ADARB2: variants seen among roughly 807,000 people sequenced by gnomAD.
ADARB2 encodes the protein adenosine deaminase RNA specific B2 (inactive).
A neutral mutation model predicts 62.2 loss-of-function variants in ADARB2; 25 were observed. The observed-to-expected ratio is 0.40, with a 90% CI of 0.29 to 0.56. The LOEUF (loss-of-function observed/expected upper bound fraction) is 0.56, where lower values mean the gene tolerates loss of function less well. Among genes scored for constraint, ADARB2 ranks in the 20% least tolerant of loss-of-function variants. The pLI is 0.43. For missense variants in ADARB2, 1,071 were observed against 1,077.4 expected, an observed-to-expected ratio of 0.99 and a Z score of 0.08; for synonymous variants, 572 against 500.8, an observed-to-expected ratio of 1.14 and a Z score of -1.90.
At chr10:1,630,270 C>T (rs1296351505) in intron 1 of ADARB2, among the ~76,000 whole-genome samples, 6 of 152,232 alleles carry the variant, frequency 3.9e-5, no homozygotes, top group African/African-American at 7.2e-5. Context: ...CTTATGTTCT[C>T]GTGAGGATGG....
At chr10:1,541,621 C>CA (rs1832430285) in intron 1 of ADARB2, among the ~76,000 whole-genome samples, 1 of 38,732 alleles carries the variant, frequency 2.6e-5, no homozygotes, top group African/African-American at 1.5e-4. Context: ...GACCCTGGAT[C>CA]CGTCCAGACC....
intron 3 of ADARB2, among the ~76,000 whole-genome samples, chr10:1,311,182 T>G (rs1462283044): frequency 6.6e-6 from 1 of 152,196 alleles, no homozygotes; most frequent in African/African-American, 2.4e-5. Context: ...TCATTTCTCC[T>G]TCCATGGGGA....
At chr10:1,467,812 G>T (rs1167246246) in intron 1 of ADARB2, among the ~76,000 whole-genome samples, 2 of 152,142 alleles carry the variant, frequency 1.3e-5, no homozygotes, top group African/African-American at 2.4e-5. Context: ...CTTTTGAGTC[G>T]AACACATTAA....
intron 1 of ADARB2, among the ~76,000 whole-genome samples, chr10:1,689,011 G>A (rs1207177557): frequency 6.6e-6 from 1 of 152,200 alleles, no homozygotes; most frequent in Non-Finnish European, 1.5e-5. Context: ...ATCTGAGGCT[G>A]GTGATGCAGG....
At chr10:1,504,149 G>A (rs1041250201) in intron 1 of ADARB2, among the ~76,000 whole-genome samples, 1 of 152,106 alleles carries the variant, frequency 6.6e-6, no homozygotes, top group Non-Finnish European at 1.5e-5. Context: ...GCTTAAACTG[G>A]CTCCTTCACT....
chr10:1,371,090 C>T (rs563065250), intron 2 of ADARB2, among the ~76,000 whole-genome samples: 3 of 152,204 alleles, frequency 2.0e-5, no homozygotes, highest in East Asian at 1.9e-4. Context: ...GGTATTGGTA[C>T]GAAGATAGAC....
At chr10:1,263,293 TAAAG>T (rs755847480) in intron 4 of ADARB2, among the ~76,000 whole-genome samples, 3 of 152,140 alleles carry the variant, frequency 2.0e-5, no homozygotes, top group East Asian at 1.9e-4. Flanking sequence ...ATAGTAATAA[TAAAG>T]AATATTTTAG....
chr10:1,462,138 C>T lies in ADARB2; in HGVS notation c.101-82978G>A, dbSNP rs147624170. ...CTCTTGGCAGGATATAGCCATTCCCCGCTCAGCCCTGCCCACTTCCCACCA... is the reference window on the plus strand; with the variant it reads ...CTCTTGGCAGGATATAGCCATTCCCTGCTCAGCCCTGCCCACTTCCCACCA... On this transcript the variant is annotated intron_variant, in intron 1 of 9. Coordinates refer to ENST00000381312, the MANE Select transcript of ADARB2 (RefSeq NM_018702.4). Among the ~76,000 whole-genome samples, 610 of 152,334 alleles carry T rather than the reference C, an allele frequency of 4.0e-3. 2 individuals are homozygous for T. Among genetic ancestry groups the T allele is most frequent in the African/African-American group, 0.013 (549 of 41,574 alleles).
intron 1 of ADARB2, among the ~76,000 whole-genome samples, chr10:1,659,819 C>G (rs1834221577): frequency 1.3e-5 from 2 of 149,554 alleles, no homozygotes; most frequent in Non-Finnish European, 3.0e-5. Flanking sequence ...ATTGCCTGCC[C>G]TGCCTGGGCG....
chr10:1,679,587 T>C (rs1191431232), intron 1 of ADARB2, among the ~76,000 whole-genome samples: 1 of 152,176 alleles, frequency 6.6e-6, no homozygotes, highest in Non-Finnish European at 1.5e-5. Flanking sequence ...ACCTGGCTAA[T>C]TGAGGTGTTT....
intron 1 of ADARB2, among the ~76,000 whole-genome samples, chr10:1,510,753 T>C (rs1336929979): frequency 6.6e-6 from 1 of 152,200 alleles, no homozygotes; most frequent in African/African-American, 2.4e-5. Flanking sequence ...AGTCCCTTCT[T>C]CACTGGAATC....
intron 1 of ADARB2, among the ~76,000 whole-genome samples, chr10:1,716,949 A>C (rs185296510): frequency 6.6e-6 from 1 of 152,300 alleles, no homozygotes; most frequent in East Asian, 1.9e-4. Flanking sequence ...GGAAGGGCTA[A>C]AGGCACTCCT....
chr10:1,368,859 AGCTCGCCCTGTGG>A (rs1229743955), intron 2 of ADARB2, among the ~76,000 whole-genome samples: 1 of 34,986 alleles, frequency 2.9e-5, no homozygotes, highest in African/African-American at 5.9e-5. Flanking sequence ...GTGGGAGCCG[AGCTCGCCCTGTGG>A]CAGTCGTGGG....
At chr10:1,279,304 A>ATTTG (rs59793564) in intron 3 of ADARB2, among the ~76,000 whole-genome samples, 1 of 151,892 alleles carries the variant, frequency 6.6e-6, no homozygotes, top group Non-Finnish European at 1.5e-5. Flanking sequence ...CCATGGCATC[A>ATTTG]TTTGTTTGTT....
At chr10:1,546,321 A>G in intron 1 of ADARB2, among the ~76,000 whole-genome samples, 1 of 152,222 alleles carries the variant, frequency 6.6e-6, no homozygotes, top group East Asian at 1.9e-4. Flanking sequence ...ATGTAGGTCA[A>G]AACCCTGGTG....
At chr10:1,191,164 G>T (rs1836839348) in intron 8 of ADARB2, among the ~76,000 whole-genome samples, 2 of 152,222 alleles carry the variant, frequency 1.3e-5, no homozygotes, top group Admixed American at 6.5e-5. Flanking sequence ...GTTTGCAGGT[G>T]GCAGCTCATG....
At chr10:1,459,530 AGG>A (rs34936958) in intron 1 of ADARB2, among the ~76,000 whole-genome samples, 2 of 151,938 alleles carry the variant, frequency 1.3e-5, no homozygotes, top group South Asian at 2.1e-4. Context: ...TGGGAGGCCA[AGG>A]GGGGGTGGAT....
chr10:1,202,009 C>T (rs1395561511), intron 7 of ADARB2, among the ~76,000 whole-genome samples: 1 of 152,154 alleles, frequency 6.6e-6, no homozygotes, highest in Non-Finnish European at 1.5e-5. Context: ...TTGATGTTCA[C>T]CGATAAGTCA....
At chr10:1,702,362 C>G (rs1834832223) in intron 1 of ADARB2, among the ~76,000 whole-genome samples, 1 of 152,132 alleles carries the variant, frequency 6.6e-6, no homozygotes, top group Admixed American at 6.5e-5. Context: ...TAGAGACGAC[C>G]CTCAAACCCC....
Sources: gnomAD v4.1 joint callset for allele counts (sites outside exome capture counted in the v4.1 genomes callset) on GRCh38, gnomAD v4.1.1 for gene constraint, MANE v1.5 for transcripts, NCBI Gene and HGNC (gene_info 2026-07-23, HGNC 2026-07-21) for gene names.